The following VPS13B variants were observed in gnomAD, a reference collection of about 807,000 sequenced individuals.
The protein encoded by VPS13B is intermembrane lipid transfer protein VPS13B.
A neutral mutation model predicts 426.4 loss-of-function variants in VPS13B; 285 were observed. That is an observed-to-expected ratio of 0.67 (90% CI 0.61 to 0.74). The LOEUF is 0.74. Ranked by LOEUF, VPS13B falls within the 30% of genes least tolerant of loss-of-function variation. VPS13B has a pLI of 0.00. For missense variants in VPS13B, 4,537 were observed against 4,782.6 expected (o/e 0.95, Z 1.51); for synonymous variants, 1,676 against 1,676.4 (o/e 1.00, Z 0.01).
chr8:99,469,670 T>C (rs1017886426), intron 24 of VPS13B, among the ~76,000 whole-genome samples: 2 of 152,198 alleles, frequency 1.3e-5, no homozygotes, highest in African/African-American at 4.8e-5. Flanking sequence ...GAAAGGAAAC[T>C]GTTATGGATT....
chr8:99,686,663 G>A (rs886770372), intron 35 of VPS13B, among the ~76,000 whole-genome samples: 3 of 151,954 alleles, frequency 2.0e-5, no homozygotes, highest in Admixed American at 6.6e-5. Flanking sequence ...CGAGTGCTAC[G>A]TGGCTACCAC....
At chr8:99,692,104 A>G (rs1011254717) in intron 35 of VPS13B, among the ~76,000 whole-genome samples, 1 of 143,288 alleles carries the variant, frequency 7.0e-6, no homozygotes, top group Admixed American at 7.1e-5. Context: ...GGAGACTTTA[A>G]CACCCCACTG....
intron 19 of VPS13B, among the ~76,000 whole-genome samples, chr8:99,350,194 G>A (rs771628321): frequency 8.5e-5 from 13 of 152,158 alleles, no homozygotes; most frequent in Non-Finnish European, 1.6e-4. Flanking sequence ...GTAGGAGGAA[G>A]TAAAGGAGGG....
At chr8:99,242,485 A>G (rs571658203) in intron 17 of VPS13B, among the ~76,000 whole-genome samples, 4 of 152,148 alleles carry the variant, frequency 2.6e-5, no homozygotes, top group Admixed American at 2.0e-4. Flanking sequence ...TTATATGTAT[A>G]GGTTTATAAA....
intron 39 of VPS13B, among the ~76,000 whole-genome samples, chr8:99,731,992 G>A (rs930773765): frequency 1.3e-5 from 2 of 152,154 alleles, no homozygotes; most frequent in Non-Finnish European, 2.9e-5. Flanking sequence ...TCCTCTCCCT[G>A]AGCAGTGCAT....
In VPS13B at chr8:99,640,013, T is replaced by TAAGAAGAAG. The variant is rs1438997007; in HGVS notation, c.5221-1796_5221-1795insGAAGAAGAA. On this transcript the variant is annotated intron_variant, in intron 33 of 61. Transcript: ENST00000357162. ...ATAATAATAATAATAATAATAATAA[T>TAAGAAGAAG]AATAATAATAATAAGAAGAAGAAGA... Among the ~76,000 whole-genome samples the TAAGAAGAAG allele has an allele frequency of 6.7e-4, 47 of 70,560 alleles. 2 individuals are homozygous for TAAGAAGAAG. Among genetic ancestry groups the TAAGAAGAAG allele is most frequent in the African/African-American group, 2.0e-3 (38 of 18,966 alleles). 46.3% of individuals were successfully genotyped at this position (70,560 alleles called of 152,430 possible).
At chr8:99,534,322 G>A (rs562122143) in intron 30 of VPS13B, among the ~76,000 whole-genome samples, 1 of 152,186 alleles carries the variant, frequency 6.6e-6, no homozygotes, top group East Asian at 1.9e-4. Context: ...TGAAAATGAC[G>A]ATAAGTTCTA....
At chr8:99,821,188 C>A in intron 49 of VPS13B, 106 bp from the exon 50 acceptor site, 29 of 852,658 alleles carry the variant, frequency 3.4e-5, no homozygotes, top group Non-Finnish European at 3.9e-5. Context: ...TATTTGGTTA[C>A]CTTAGTAGAC....
chr8:99,475,842 A>G (rs1316468415), intron 24 of VPS13B, among the ~76,000 whole-genome samples: 1 of 152,124 alleles, frequency 6.6e-6, no homozygotes, highest in East Asian at 1.9e-4. Context: ...TTTTTTCTAG[A>G]ATTACTCCAA....
At chr8:99,608,314 A>C (rs1190461456) in intron 33 of VPS13B, among the ~76,000 whole-genome samples, 1 of 149,990 alleles carries the variant, frequency 6.7e-6, no homozygotes, top group Non-Finnish European at 1.5e-5. Context: ...ATGCCCAGCT[A>C]ATTTTTTTTT....
intron 39 of VPS13B, among the ~76,000 whole-genome samples, chr8:99,754,392 A>T (rs1810538933): frequency 6.6e-6 from 1 of 152,188 alleles, no homozygotes; most frequent in Admixed American, 6.5e-5. Flanking sequence ...CCTACTGTAA[A>T]TTATAAATAA....
rs539297844 is a variant in VPS13B, at chr8:99,584,222, A to G, written c.5220+6589A>G. Among the ~76,000 whole-genome samples, 79 of 152,330 alleles carry G rather than the reference A, an allele frequency of 5.2e-4. 1 individual carries two copies. Among genetic ancestry groups the G allele is most frequent in the Middle Eastern group, 3.4e-3 (1 of 294 alleles). On this transcript the variant is annotated intron_variant, in intron 33 of 61. Transcript: ENST00000357162. ...GATTTCTTAGGTACATTGAACTCTCACATCTGTCACAATTTTAGTTAGGCC... is the reference window on the plus strand; with the variant it reads ...GATTTCTTAGGTACATTGAACTCTCGCATCTGTCACAATTTTAGTTAGGCC...
Position 99,039,545 on chromosome 8 carries a change from GT to G in VPS13B, c.291+994del, listed in dbSNP as rs201743231. On this transcript the variant is annotated intron_variant, in intron 3 of 61. Coordinates refer to ENST00000357162, the MANE Select transcript of VPS13B (RefSeq NM_152564.5). ...TGTGTCTGTCATTCATTTTTATTAG[GT>G]TTTTTTTTTTTTTTAGCACCCACTT... is the stretch of plus-strand genomic sequence containing the variant. 7.1e-3 allele frequency among the ~76,000 whole-genome samples: 973 copies of G among 136,820 alleles called. 4 individuals are homozygous for G. Among genetic ancestry groups the G allele is most frequent in the Middle Eastern group, 0.011 (3 of 266 alleles). 89.8% of individuals were successfully genotyped at this position (136,820 alleles called of 152,430 possible). A position where few individuals can be genotyped will look rare whatever the true frequency, so the allele number is the denominator to read the frequency against.
chr8:99,431,212 C>G (rs1817092443), intron 21 of VPS13B, among the ~76,000 whole-genome samples: 1 of 152,094 alleles, frequency 6.6e-6, no homozygotes, highest in African/African-American at 2.4e-5. Context: ...TGTTAAGTTA[C>G]TGCTTAATGA....
In VPS13B at chr8:99,287,224, A is replaced by ATCTG. The variant is rs200832966; in HGVS notation, c.2824+11978_2824+11981dup. Among the ~76,000 whole-genome samples the ATCTG allele has an allele frequency of 2.2e-3, 243 of 112,262 alleles. 1 individual carries two copies. The highest frequency in any genetic ancestry group is 5.8e-3 in the African/African-American group (181 of 31,408). The allele number at this position is 112,262 out of a possible 152,430, so 73.6% of individuals were successfully genotyped here. On this transcript the variant is annotated intron_variant, in intron 19 of 61. Coordinates refer to ENST00000357162, the MANE Select transcript of VPS13B (RefSeq NM_152564.5). ...AGGAGATATATGTGTGTGTGTATCT[A>ATCTG]TCTGTCTGTCTATCTATCTATCTAT...
chr8:99,164,568 C>T (rs185397578), intron 15 of VPS13B, among the ~76,000 whole-genome samples: 4 of 152,318 alleles, frequency 2.6e-5, no homozygotes, highest in Admixed American at 2.6e-4. Context: ...TGCAAACTGT[C>T]TGAGAAGCAA....
At chr8:99,464,188 T>A (rs2133500391) in intron 23 of VPS13B, among the ~76,000 whole-genome samples, 1 of 152,182 alleles carries the variant, frequency 6.6e-6, no homozygotes, top group East Asian at 1.9e-4. Context: ...TTTTTGAATG[T>A]AAGAGAAAAA....
chr8:99,600,894 C>T (rs763383580), intron 33 of VPS13B, among the ~76,000 whole-genome samples: 1 of 152,154 alleles, frequency 6.6e-6, no homozygotes, highest in Non-Finnish European at 1.5e-5. Context: ...GAACTCTTAA[C>T]CAGCTCACTG....
At chr8:99,812,936 A>G (rs2130796772) in intron 44 of VPS13B, among the ~76,000 whole-genome samples, 1 of 152,298 alleles carries the variant, frequency 6.6e-6, no homozygotes, top group East Asian at 1.9e-4. Flanking sequence ...TTGGGGAAGG[A>G]GGGGAATTAG....
Sources: allele counts gnomAD v4.1 joint callset (sites outside exome capture counted in the v4.1 genomes callset), GRCh38; gene constraint gnomAD v4.1.1; transcripts MANE v1.5; gene names NCBI Gene and HGNC (gene_info 2026-07-23, HGNC 2026-07-21).